Variants in OPCML observed in about 807,000 individuals in gnomAD.
OPCML encodes the protein opioid binding protein/cell adhesion molecule like, also known as opioid-binding protein/cell adhesion molecule.
In OPCML, 13 loss-of-function variants were observed where a neutral mutation model predicts 37.8. The observed-to-expected ratio is 0.34, with a 90% CI of 0.22 to 0.55. The LOEUF (loss-of-function observed/expected upper bound fraction) is 0.55. Among genes scored for constraint, OPCML ranks in the 20% least tolerant of loss-of-function variants. The pLI is 0.91. For synonymous variants in OPCML, 176 were observed against 168.8 expected (o/e 1.04, Z -0.33); for missense variants, 341 against 435.6 (o/e 0.78, Z 1.93).
chr11:132,926,832 A>C (rs2136612246), intron 2 of OPCML, among the ~76,000 whole-genome samples: 1 of 152,264 alleles, frequency 6.6e-6, no homozygotes, highest in Admixed American at 6.5e-5. Flanking sequence ...AATAAAAAGT[A>C]ATCATGAAAA....
intron 1 of OPCML, chr11:133,297,192 G>A (rs1408046653): frequency 1.3e-5 from 2 of 152,148 alleles, no homozygotes; most frequent in Non-Finnish European, 2.9e-5. Flanking sequence ...CACTTACCTA[G>A]GGAAAGACAA....
chr11:133,030,000 T>C (rs1009769112), intron 1 of OPCML, among the ~76,000 whole-genome samples: 3 of 152,136 alleles, frequency 2.0e-5, no homozygotes, highest in Non-Finnish European at 2.9e-5. Context: ...TCTTAAGAGA[T>C]GGTAATTAGT....
At chr11:133,012,061 T>A (rs1328789756) in intron 1 of OPCML, among the ~76,000 whole-genome samples, 2 of 152,184 alleles carry the variant, frequency 1.3e-5, no homozygotes, top group African/African-American at 4.8e-5. Context: ...AAAAAATGGT[T>A]CTCTACTGGG....
chr11:132,723,319 G>A (rs1591518307), intron 2 of OPCML, among the ~76,000 whole-genome samples: 2 of 152,334 alleles, frequency 1.3e-5, no homozygotes, highest in African/African-American at 2.4e-5. Flanking sequence ...CACATTAGGT[G>A]AGGGGAAGCA....
At chr11:132,617,802 C>G (rs1053893963) in intron 3 of OPCML, among the ~76,000 whole-genome samples, 2 of 152,222 alleles carry the variant, frequency 1.3e-5, no homozygotes, top group African/African-American at 4.8e-5. Flanking sequence ...CATCATTCCT[C>G]TTCTCATAAG....
At chr11:132,466,157 A>T (rs2096118803) in intron 4 of OPCML, among the ~76,000 whole-genome samples, 1 of 152,148 alleles carries the variant, frequency 6.6e-6, no homozygotes, top group African/African-American at 2.4e-5. Context: ...GGGAGGCTCC[A>T]TGGGAGCAAG....
At chr11:132,448,924 T>C (rs1425586677) in intron 4 of OPCML, among the ~76,000 whole-genome samples, 1 of 152,246 alleles carries the variant, frequency 6.6e-6, no homozygotes, top group African/African-American at 2.4e-5. Flanking sequence ...CTATCCATTT[T>C]AATGTTTTAT....
At chr11:133,356,271 G>A (rs911183029) in intron 1 of OPCML, among the ~76,000 whole-genome samples, 15 of 152,288 alleles carry the variant, frequency 9.8e-5, no homozygotes, top group South Asian at 4.2e-4. Flanking sequence ...ACTAACATCC[G>A]ATTATAGGTG....
chr11:133,196,669 G>T (rs1395267528), intron 1 of OPCML, among the ~76,000 whole-genome samples: 1 of 152,152 alleles, frequency 6.6e-6, no homozygotes, highest in Non-Finnish European at 1.5e-5. Context: ...TGGAAGAAAA[G>T]GGCAATGTTT....
At chr11:133,288,376 A>T (rs1325409636) in intron 1 of OPCML, among the ~76,000 whole-genome samples, 1 of 152,212 alleles carries the variant, frequency 6.6e-6, no homozygotes, top group Admixed American at 6.5e-5. Context: ...CTACCTCAGC[A>T]TCTAAGCAAT....
At chr11:133,476,604 A>C (rs1947245815) in intron 1 of OPCML, among the ~76,000 whole-genome samples, 1 of 152,128 alleles carries the variant, frequency 6.6e-6, no homozygotes, top group African/African-American at 2.4e-5. Context: ...GATGTGTTGG[A>C]CCCTATGGAG....
At chr11:133,065,019 A>C (rs1180789809) in intron 1 of OPCML, 1 of 152,206 alleles carries the variant, frequency 6.6e-6, no homozygotes, top group East Asian at 1.9e-4. Context: ...GAGTGGAAGA[A>C]ACGGTGTCCC....
intron 1 of OPCML, among the ~76,000 whole-genome samples, chr11:133,063,033 T>C (rs1483748988): frequency 6.6e-6 from 1 of 152,220 alleles, no homozygotes; most frequent in Non-Finnish European, 1.5e-5. Context: ...CATGGGGCTT[T>C]GGGGTCATGG....
chr11:132,466,400 C>T (rs945814173), intron 4 of OPCML, among the ~76,000 whole-genome samples: 1 of 150,616 alleles, frequency 6.6e-6, no homozygotes, highest in African/African-American at 2.4e-5. Flanking sequence ...AGGAGAATGG[C>T]GTGAACCCGC....
At chr11:132,631,181 G>T (rs1940080446) in intron 3 of OPCML, among the ~76,000 whole-genome samples, 2 of 151,720 alleles carry the variant, frequency 1.3e-5, no homozygotes. Flanking sequence ...ACTACTGAAG[G>T]AAAGTTATGA....
chr11:132,916,695 G>A (rs935035324), intron 2 of OPCML, among the ~76,000 whole-genome samples: 2 of 152,154 alleles, frequency 1.3e-5, no homozygotes, highest in Admixed American at 6.5e-5. Context: ...TAGGCTATGT[G>A]AGTGTTTAAG....
intron 1 of OPCML, among the ~76,000 whole-genome samples, chr11:133,122,235 G>C (rs549961318): frequency 6.6e-6 from 1 of 152,164 alleles, no homozygotes; most frequent in Non-Finnish European, 1.5e-5. Context: ...CGGAGCTTGG[G>C]ATTCTTGAAT....
At chr11:132,809,990 C>T (rs1374803416) in intron 2 of OPCML, among the ~76,000 whole-genome samples, 1 of 152,130 alleles carries the variant, frequency 6.6e-6, no homozygotes, top group African/African-American at 2.4e-5. Flanking sequence ...GCCGGGACTA[C>T]AGGCGCCCGC....
Position 132,697,976 on chromosome 11 carries a change from CTATTTATTTATTTATTTATT to C in OPCML, c.147-40677_147-40658del, listed in dbSNP as rs59713386. ...ATATTAATTTATTTTATTTTATTTTCTATTTATTTATTTATTTATTTATTTATTTATTTATTTATTTATTT... is the reference window on the plus strand; with the variant it reads ...ATATTAATTTATTTTATTTTATTTTCTATTTATTTATTTATTTATTTATTT... On this transcript the variant is annotated intron_variant, in intron 2 of 7. Transcript: ENST00000524381. 2.6e-3 allele frequency among the ~76,000 whole-genome samples: 353 copies of C among 134,196 alleles called. 1 individual carries two copies. The highest frequency in any genetic ancestry group is 6.3e-3 in the African/African-American group (225 of 35,800). 88.0% of individuals were successfully genotyped at this position (134,196 alleles called of 152,430 possible). A position where few individuals can be genotyped will look rare whatever the true frequency, so the allele number is the denominator to read the frequency against.
Sources: gnomAD v4.1 joint callset for allele counts (sites outside exome capture counted in the v4.1 genomes callset) on GRCh38, gnomAD v4.1.1 for gene constraint, MANE v1.5 for transcripts, NCBI Gene and HGNC (gene_info 2026-07-23, HGNC 2026-07-21) for gene names.